Variants in SAMD12 observed in about 807,000 individuals in gnomAD.
SAMD12 encodes the protein sterile alpha motif domain-containing protein 12.
SAMD12 carries 9 observed loss-of-function variants against 15.0 expected under a neutral mutation model. The observed-to-expected ratio is 0.60, with a 90% CI of 0.36 to 1.05. SAMD12 has a LOEUF of 1.05. Ranked by LOEUF, SAMD12 falls within the 50% of genes least tolerant of loss-of-function variation. SAMD12 has a pLI of 0.01. For missense variants in SAMD12, 230 were observed against 234.2 expected (o/e 0.98, Z 0.12); for synonymous variants, 86 against 90.1 (o/e 0.96, Z 0.25).
At chr8:118,419,101 G>A (rs964519161) in intron 3 of SAMD12, among the ~76,000 whole-genome samples, 4 of 152,042 alleles carry the variant, frequency 2.6e-5, no homozygotes, top group Non-Finnish European at 5.9e-5. Context: ...TAGTTTGCAT[G>A]TTAACAGCAT....
chr8:118,219,126 C>G (rs1259214239), intron 4 of SAMD12, among the ~76,000 whole-genome samples: 2 of 152,136 alleles, frequency 1.3e-5, no homozygotes, highest in African/African-American at 2.4e-5. Context: ...TCACCTCACT[C>G]TTTTTTTACG....
At chr8:118,303,419 A>T (rs1815151218) in intron 4 of SAMD12, among the ~76,000 whole-genome samples, 3 of 152,230 alleles carry the variant, frequency 2.0e-5, no homozygotes, top group Admixed American at 2.0e-4. Flanking sequence ...CTGTGGTGAT[A>T]TCCCAAATAC....
At chr8:118,386,641 G>C (rs1819979330) in intron 3 of SAMD12, among the ~76,000 whole-genome samples, 1 of 152,204 alleles carries the variant, frequency 6.6e-6, no homozygotes, top group African/African-American at 2.4e-5. Flanking sequence ...CACAGAGAAA[G>C]TGTCCTGCCT....
At chr8:118,512,977 G>T (rs1436819147) in intron 2 of SAMD12, among the ~76,000 whole-genome samples, 1 of 151,754 alleles carries the variant, frequency 6.6e-6, no homozygotes, top group Non-Finnish European at 1.5e-5. Flanking sequence ...CCATACAAAG[G>T]TAAGTTACTT....
chr8:118,324,606 C>T (rs1816473891), intron 4 of SAMD12, among the ~76,000 whole-genome samples: 1 of 152,162 alleles, frequency 6.6e-6, no homozygotes, highest in Non-Finnish European at 1.5e-5. Context: ...GAAGATATTG[C>T]TGTGAACTTA....
intron 1 of SAMD12, among the ~76,000 whole-genome samples, chr8:118,599,020 T>C (rs1271544538): frequency 6.6e-6 from 1 of 152,152 alleles, no homozygotes; most frequent in Non-Finnish European, 1.5e-5. Context: ...TGGACTAAAG[T>C]GTTAGCAAAG....
chr8:118,273,623 C>T (rs1813414523), intron 4 of SAMD12, among the ~76,000 whole-genome samples: 1 of 152,128 alleles, frequency 6.6e-6, no homozygotes, highest in African/African-American at 2.4e-5. Flanking sequence ...AGAGTGGCCC[C>T]ATGATGAACT....
At chr8:118,196,801 CT>C (rs1392215033) in exon 5 of SAMD12, 1 of 151,674 alleles carries the variant, frequency 6.6e-6, no homozygotes, top group African/African-American at 2.4e-5. Context: ...CCTTTTTTCC[CT>C]TGGAGGAACT....
chr8:118,609,076 T>C (rs1306521272), intron 1 of SAMD12, among the ~76,000 whole-genome samples: 3 of 152,188 alleles, frequency 2.0e-5, no homozygotes, highest in Middle Eastern at 3.2e-3. Context: ...GAGCTATACA[T>C]ACATTTTTCA....
At chr8:118,447,459 C>T (rs1017435349) in intron 2 of SAMD12, among the ~76,000 whole-genome samples, 8 of 152,028 alleles carry the variant, frequency 5.3e-5, no homozygotes, top group South Asian at 4.2e-4. Context: ...CCTGCCACTA[C>T]GCCCAGCTAA....
chr8:118,173,755 G>A, the SAMD12 span, among the ~76,000 whole-genome samples: 12 of 150,498 alleles, frequency 8.0e-5, no homozygotes, highest in South Asian at 2.1e-4. Flanking sequence ...TCAGCTTCCC[G>A]CATAGCTGGG....
chr8:118,446,695 A>G (rs1822925328), intron 2 of SAMD12, among the ~76,000 whole-genome samples: 2 of 152,168 alleles, frequency 1.3e-5, no homozygotes, highest in African/African-American at 4.8e-5. Flanking sequence ...TCAGATCTTC[A>G]TCATCTTTTT....
chr8:118,302,078 G>GTTTTTTTTTTTTTTTTTTTTTTT lies in SAMD12; in HGVS notation c.433+77459_433+77481dup, dbSNP rs58076997. Among the ~76,000 whole-genome samples the GTTTTTTTTTTTTTTTTTTTTTTT allele has an allele frequency of 5.5e-4, 41 of 74,688 alleles. 7 individuals are homozygous for GTTTTTTTTTTTTTTTTTTTTTTT. Among genetic ancestry groups the GTTTTTTTTTTTTTTTTTTTTTTT allele is most frequent in the African/African-American group, 2.0e-3 (28 of 14,294 alleles). 49.0% of individuals were successfully genotyped at this position (74,688 alleles called of 152,430 possible). ...ATTTTCTAGCGCCAGATCTTTGAGAGTTTTTTTTTTTTTTTTTTTTTTTTT... is the reference window on the plus strand; with the variant it reads ...ATTTTCTAGCGCCAGATCTTTGAGAGTTTTTTTTTTTTTTTTTTTTTTTTTTTTTTTTTTTTTTTTTTTTTTTT... On this transcript the variant is annotated intron_variant, in intron 4 of 4. Transcript: ENST00000409003.
At chr8:118,519,338 C>T (rs920544532) in intron 2 of SAMD12, among the ~76,000 whole-genome samples, 1 of 152,218 alleles carries the variant, frequency 6.6e-6, no homozygotes, top group Admixed American at 6.5e-5. Flanking sequence ...TTTTGTCAGG[C>T]ACTGGACATC....
At chr8:118,528,518 AT>A (rs1277587419) in intron 2 of SAMD12, among the ~76,000 whole-genome samples, 1 of 152,250 alleles carries the variant, frequency 6.6e-6, no homozygotes, top group Non-Finnish European at 1.5e-5. Context: ...TAATTAGGTT[AT>A]GCAAACTTTC....
chr8:118,501,309 G>A (rs918138672), intron 2 of SAMD12, among the ~76,000 whole-genome samples: 5 of 151,936 alleles, frequency 3.3e-5, no homozygotes, highest in Non-Finnish European at 7.4e-5. Flanking sequence ...ATATAAACTC[G>A]GATAGATTTT....
At position 118,300,633 on chromosome 8, in the gene SAMD12, T is replaced by C. The variant is rs1024264019; in HGVS notation, c.433+78927A>G. ...TGGATCTTGTTAGAAATAAAATTCA[T>C]AGGCTCCAATGAAGACCTACCAGAT... is the stretch of plus-strand genomic sequence containing the variant. On this transcript the variant is annotated intron_variant, in intron 4 of 4. Coordinates refer to the SAMD12 transcript ENST00000409003. 2.0e-5 allele frequency among the ~76,000 whole-genome samples: 3 copies of C among 152,348 alleles called. 1 individual carries two copies. Among genetic ancestry groups the C allele is most frequent in the Non-Finnish European group, 2.9e-5 (2 of 68,030 alleles).
At chr8:118,280,585 T>C (rs938233460) in intron 4 of SAMD12, among the ~76,000 whole-genome samples, 1 of 152,146 alleles carries the variant, frequency 6.6e-6, no homozygotes, top group African/African-American at 2.4e-5. Context: ...GACTCTGGAC[T>C]ATCAAACTTA....
intron 2 of SAMD12, among the ~76,000 whole-genome samples, chr8:118,508,930 A>AT (rs34800003): frequency 0.42 from 63,688 of 152,004 alleles, 13,501 homozygotes; most frequent in Admixed American, 0.47. Context: ...ATCATACTGA[A>AT]GTGATGGGTC....
Sources: allele counts gnomAD v4.1 joint callset (sites outside exome capture counted in the v4.1 genomes callset), GRCh38; gene constraint gnomAD v4.1.1; transcripts MANE v1.5; gene names NCBI Gene and HGNC (gene_info 2026-07-23, HGNC 2026-07-21).